The following NUCB1 variants were observed in gnomAD, a reference collection of about 807,000 sequenced individuals.
NUCB1 encodes nucleobindin-1.
Under a neutral mutation model 61.2 loss-of-function variants are expected in NUCB1, and 47 were observed. The ratio of observed to expected loss-of-function variants is 0.77; its 90% CI spans 0.61 to 0.98. NUCB1 has a LOEUF of 0.98. Among genes scored for constraint, NUCB1 ranks in the 50% least tolerant of loss-of-function variants. The pLI, the probability that NUCB1 is intolerant of heterozygous loss-of-function variation, is 0.00. For synonymous variants in NUCB1, 234 were observed against 243.1 expected, an observed-to-expected ratio of 0.96 and a Z score of 0.35; for missense variants, 583 against 605.3, an observed-to-expected ratio of 0.96 and a Z score of 0.39.
Position 48,900,918 on chromosome 19 carries a change from C to A in NUCB1, c.122C>A (p.Ala41Glu). The change falls in exon 2 of 13, where the codon GCG becomes GAG. Residue 41 changes from alanine (A) to glutamate (E), a missense_variant. Transcript: ENST00000405315. Reference protein sequence around the residue: ...RGAPNKEETPATESPDTGLYY... With the variant: ...RGAPNKEETPETESPDTGLYY... ...GCGCCCAACAAGGAGGAGACCCCTG[C>A]GACTGAGAGTCCCGTGAGTGGCCCT... The A allele has an allele frequency of 1.9e-6, 3 of 1,613,916 alleles. No homozygotes were observed. Among genetic ancestry groups the A allele is most frequent in the Non-Finnish European group, 2.5e-6 (3 of 1,180,032 alleles).
chr19:48,906,370 C>T (rs1002438576), intron 4 of NUCB1, among the ~76,000 whole-genome samples: 5 of 150,260 alleles, frequency 3.3e-5, no homozygotes, highest in African/African-American at 9.9e-5. Context: ...CACCATTGCA[C>T]TCCAGCCTGG....
chr19:48,902,830 C>T (rs993321657), intron 2 of NUCB1, among the ~76,000 whole-genome samples: 2 of 151,522 alleles, frequency 1.3e-5, no homozygotes, highest in East Asian at 3.9e-4. Flanking sequence ...AAGTTGAGGA[C>T]GTCAAGGAGG....
intron 4 of NUCB1, among the ~76,000 whole-genome samples, chr19:48,907,704 C>A (rs1454924167): frequency 6.6e-6 from 1 of 152,190 alleles, no homozygotes; most frequent in African/African-American, 2.4e-5. Flanking sequence ...TGCCACAACA[C>A]CCAGGCTCTT....
chr19:48,908,648 CGTGTGTGTGTGTGTGTGTGTGTGT>C (rs58211997), intron 4 of NUCB1, among the ~76,000 whole-genome samples: 9 of 86,552 alleles, frequency 1.0e-4, no homozygotes, highest in East Asian at 3.9e-4. Context: ...TCTAGCTGCC[CGTGTGTGTGTGTGTGTGTGTGTGT>C]GTGTGTGTGT....
chr19:48,921,661 T>A (rs1312432444), intron 11 of NUCB1, among the ~76,000 whole-genome samples, 166 bp from the exon 12 acceptor site: 1 of 152,108 alleles, frequency 6.6e-6, no homozygotes, highest in Admixed American at 6.6e-5. Flanking sequence ...TTGACTATTA[T>A]TAAGCCCGAC....
Position 48,919,066 on chromosome 19 carries a change from G to A in NUCB1, c.853G>A (p.Asp285Asn). 6.2e-7 allele frequency: 1 copy of A among 1,614,080 alleles called. No homozygotes were observed. Among genetic ancestry groups the A allele is most frequent in the East Asian group, 2.2e-5 (1 of 44,882 alleles). ...KVYDPKNEED[D>N]MREMEEERLR... The stretch of plus-strand genomic sequence containing the variant: ...GTACGACCCAAAGAATGAGGAGGAC[G>A]ACATGCGGGAGATGGAGGAGGAGCG... Residue 285 changes from aspartate to asparagine, a missense_variant, in exon 9 of 13, where the codon GAC becomes AAC. Coordinates refer to ENST00000405315, the MANE Select transcript of NUCB1 (RefSeq NM_006184.6).
intron 7 of NUCB1, chr19:48,918,456 A>G: frequency 2.3e-6 from 1 of 437,542 alleles, no homozygotes; most frequent in Admixed American, 3.6e-5. Flanking sequence ...TGCCAGGGCC[A>G]GAGAATCCTG....
rs755935622 is a variant in NUCB1 at position 48,911,219 on chromosome 19, C to T, written c.447C>T (p.Phe149=). The part of the protein sequence containing the change: ...EHLDPQNQHT[F]EARDLELLIQ... ...TGGACCCTCAGAACCAGCATACATT[C>T]GAGGCCCGCGACCTGGAGCTGCTGA... The change falls in exon 5 of 13, where the codon TTC becomes TTT. Residue 149 remains phenylalanine (F), a synonymous_variant. Transcript: ENST00000405315. 7 of 1,613,478 alleles carry T rather than the reference C, an allele frequency of 4.3e-6. No individual in the cohort carries two copies. In the East Asian group the frequency reaches 6.7e-5, roughly 15 times the overall value.
In NUCB1 at chr19:48,919,026, G is replaced by A; in HGVS notation, c.817-4G>A. 6.2e-7 allele frequency: 1 copy of A among 1,613,552 alleles called. No individual in the cohort carries two copies. Among genetic ancestry groups the A allele is most frequent in the Non-Finnish European group, 8.5e-7 (1 of 1,179,812 alleles). ...TGCTGTCTGCCTCTCGCTTGCTCCT[G>A]CAGCTGGAGAAAGTGTACGACCCAA... On this transcript the variant is annotated splice_region_variant and splice_polypyrimidine_tract_variant and intron_variant, in intron 8 of 12. Coordinates refer to ENST00000405315, the MANE Select transcript of NUCB1 (RefSeq NM_006184.6).
At chr19:48,908,483 G>A (rs1163524774) in intron 4 of NUCB1, among the ~76,000 whole-genome samples, 9 of 152,146 alleles carry the variant, frequency 5.9e-5, no homozygotes, top group African/African-American at 1.9e-4. Flanking sequence ...CATAGCGGCC[G>A]GCGCTGGGTC....
In NUCB1 at chr19:48,921,173, C is replaced by T; in HGVS notation, c.1022C>T (p.Ala341Val). The change falls in exon 11 of 13, where the codon GCC (alanine) becomes GTC (valine). Residue 341 changes from alanine to valine, a missense_variant. By Grantham distance (64) the Ala-to-Val change is moderately conservative (BLOSUM62 0). Coordinates refer to ENST00000405315, the MANE Select transcript of NUCB1 (RefSeq NM_006184.6). ...EGWETVEMHP[A>V]YTEEELRRFE... ...CTGCAGACAGTGGAGATGCACCCTG[C>T]CTACACCGAGGAAGAGCTGAGGCGC... is the stretch of plus-strand genomic sequence containing the variant. 6.2e-7 allele frequency: 1 copy of T among 1,611,904 alleles called. No individual in the cohort carries two copies. The highest frequency in any genetic ancestry group is 1.3e-5 in the African/African-American group (1 of 75,024).
chr19:48,914,503 C>T (rs1226579790), intron 7 of NUCB1, among the ~76,000 whole-genome samples: 1 of 152,108 alleles, frequency 6.6e-6, no homozygotes, highest in East Asian at 1.9e-4. Flanking sequence ...GTGGATACAA[C>T]TGTAAACAAA....
At chr19:48,907,196 G>T in intron 4 of NUCB1, among the ~76,000 whole-genome samples, 1 of 150,838 alleles carries the variant, frequency 6.6e-6, no homozygotes, top group South Asian at 2.1e-4. Flanking sequence ...GGATGGTCTT[G>T]ATCTCTAACC....
At chr19:48,905,111 A>AT (rs1218376791) in intron 3 of NUCB1, among the ~76,000 whole-genome samples, 1 of 152,100 alleles carries the variant, frequency 6.6e-6, no homozygotes, top group Non-Finnish European at 1.5e-5. Flanking sequence ...CAAGGGAAGG[A>AT]TTTTGGGGTT....
intron 7 of NUCB1, 113 bp downstream of exon 7, chr19:48,913,677 A>G: frequency 3.6e-6 from 3 of 822,684 alleles, no homozygotes; most frequent in Non-Finnish European, 6.1e-6. Flanking sequence ...CAGGCCCAAG[A>G]GCCAAGCCTA....
At position 48,921,223 on chromosome 19, in the gene NUCB1, G is replaced by A. The variant is rs149527823; in HGVS notation, c.1072G>A (p.Glu358Lys). The A allele has an allele frequency of 6.8e-6, 11 of 1,613,196 alleles. No individual in the cohort carries two copies. In the East Asian group the frequency reaches 1.8e-4, roughly 26 times the overall value. ...RRFEEELAAREAELNAKAQRL... is the reference protein window; with the variant it reads ...RRFEEELAARKAELNAKAQRL... ...CTTTGAAGAGGAGCTGGCTGCCCGG[G>A]AGGCAGAGCTGAATGCCAAGGCCCA... Residue 358 changes from glutamate to lysine, a missense_variant, in exon 11 of 13, where the codon GAG becomes AAG. By Grantham distance (56) the Glu-to-Lys change is moderately conservative. Coordinates refer to ENST00000405315, the MANE Select transcript of NUCB1 (RefSeq NM_006184.6).
At chr19:48,919,686 C>T (rs1002059721) in intron 10 of NUCB1, among the ~76,000 whole-genome samples, 2 of 151,540 alleles carry the variant, frequency 1.3e-5, no homozygotes, top group African/African-American at 2.4e-5. Flanking sequence ...CCATGTTGGC[C>T]AGGCTGGTCT....
At chr19:48,919,000 A>G (rs776866268) in intron 8 of NUCB1, 30 bp from the exon 9 acceptor site, 3 of 1,604,638 alleles carry the variant, frequency 1.9e-6, no homozygotes, top group South Asian at 2.2e-5. Flanking sequence ...GGACCTCTCA[A>G]TGCTGTCTGC....
chr19:48,908,718 A>AGG (rs200005424), intron 4 of NUCB1, among the ~76,000 whole-genome samples: 7,421 of 42,396 alleles, frequency 0.18, 1,005 homozygotes, highest in African/African-American at 0.42. Flanking sequence ...CACTTGACCA[A>AGG]GGGGTGTGTG....
Sources: gnomAD v4.1 joint callset for allele counts (sites outside exome capture counted in the v4.1 genomes callset) on GRCh38, gnomAD v4.1.1 for gene constraint, MANE v1.5 for transcripts, NCBI Gene and HGNC (gene_info 2026-07-23, HGNC 2026-07-21) for gene names.